AP2A1: variants seen among roughly 807,000 people sequenced by gnomAD.
The protein encoded by AP2A1 is adaptor related protein complex 2 subunit alpha 1.
A neutral mutation model predicts 107.3 loss-of-function variants in AP2A1; 21 were observed. The ratio of observed to expected loss-of-function variants is 0.20; its 90% CI spans 0.14 to 0.28. AP2A1 has a LOEUF of 0.28. Among genes scored for constraint, AP2A1 ranks in the 10% least tolerant of loss-of-function variants. The probability of loss-of-function intolerance (pLI) is 1.00; values close to 1 mark genes in which losing one functional copy is unlikely to be tolerated. For missense variants in AP2A1, 873 were observed against 1,307.7 expected, an observed-to-expected ratio of 0.67 and a Z score of 5.13; for synonymous variants, 602 against 564.8, an observed-to-expected ratio of 1.07 and a Z score of -0.93.
chr19:49,799,725 C>T lies in AP2A1; in HGVS notation c.1231C>T (p.Arg411Trp), dbSNP rs758617042. The T allele has an allele frequency of 3.7e-6, 6 of 1,613,454 alleles. No individual in the cohort carries two copies. The highest frequency in any genetic ancestry group is 2.2e-5 in the East Asian group (1 of 44,876). The change falls in exon 10 of 23, where the codon CGG becomes TGG. Residue 411 changes from arginine to tryptophan, a missense_variant. Around this residue, in one of 4 missense-constraint regions of AP2A1, gnomAD observed 213 missense variants for 443.5 expected, o/e 0.48. Transcript: ENST00000354293. ...NAKQIVSEML[R>W]YLETADYAIR... ...CAAGCAGATCGTGTCGGAGATGCTG[C>T]GGTACCTGGAGACGGCAGACTACGC...
chr19:49,795,592 C>CCCCCCCCCCCCCAAATGGA, intron 6 of AP2A1, 38 bp from the exon 7 acceptor site: 1 of 854,026 alleles, frequency 1.2e-6, no homozygotes, highest in East Asian at 2.8e-5. Flanking sequence ...GCCCCTCCCA[C>CCCCCCCCCCCCCAAATGGA]CCCAGCCCCC....
At chr19:49,772,263 T>C (rs199577055) in intron 1 of AP2A1, among the ~76,000 whole-genome samples, 1 of 108,302 alleles carries the variant, frequency 9.2e-6, no homozygotes, top group African/African-American at 3.2e-5. Flanking sequence ...TTTTTTTTTT[T>C]TTTTTTTTTT....
At chr19:49,777,721 G>A (rs2123678259) in intron 1 of AP2A1, among the ~76,000 whole-genome samples, 1 of 151,646 alleles carries the variant, frequency 6.6e-6, no homozygotes, top group East Asian at 1.9e-4. Context: ...GGGCGGAGGA[G>A]TTGAGACCAC....
intron 1 of AP2A1, among the ~76,000 whole-genome samples, chr19:49,768,667 G>T (rs10404868): frequency 0.26 from 38,804 of 151,954 alleles, 5,021 homozygotes; most frequent in African/African-American, 0.29. Context: ...GTATCAGTTG[G>T]AGGAGAAATG....
At chr19:49,799,263 C>T (rs1459753052) in intron 8 of AP2A1, 64 bp from the exon 9 acceptor site, 26 of 1,551,214 alleles carry the variant, frequency 1.7e-5, no homozygotes, top group African/African-American at 4.1e-5. Context: ...AGCTGGGGCC[C>T]GAGTCCTCCA....
intron 7 of AP2A1, among the ~76,000 whole-genome samples, chr19:49,798,030 C>T (rs116381034): frequency 0.021 from 3,198 of 152,300 alleles, 62 homozygotes; most frequent in South Asian, 0.091. Context: ...CCCATGGTGG[C>T]GACTGGGCTC....
intron 15 of AP2A1, chr19:49,802,355 C>A (rs1194789858): frequency 1.2e-6 from 1 of 862,968 alleles, no homozygotes; most frequent in Non-Finnish European, 1.9e-6. Context: ...CGACCCTGGC[C>A]ACCCTTCGTT....
intron 7 of AP2A1, 122 bp downstream of exon 7, chr19:49,795,860 G>A (rs1386476248): frequency 9.8e-5 from 78 of 798,226 alleles, no homozygotes; most frequent in Non-Finnish European, 1.3e-4. Flanking sequence ...TGAAGCTGGG[G>A]CGGTTCCTCT....
intron 4 of AP2A1, among the ~76,000 whole-genome samples, chr19:49,783,095 G>C (rs2123696288): frequency 6.6e-6 from 1 of 152,352 alleles, no homozygotes; most frequent in Non-Finnish European, 1.5e-5. Context: ...GCACTGTGCT[G>C]ATTGCTGGGG....
At chr19:49,768,127 A>G (rs941748281) in intron 1 of AP2A1, among the ~76,000 whole-genome samples, 20 of 152,058 alleles carry the variant, frequency 1.3e-4, no homozygotes, top group African/African-American at 4.3e-4. Context: ...CTAATCCCAG[A>G]GAGAGGTCAG....
chr19:49,770,728 A>G (rs2084547767), intron 1 of AP2A1, among the ~76,000 whole-genome samples: 1 of 152,218 alleles, frequency 6.6e-6, no homozygotes, highest in Non-Finnish European at 1.5e-5. Flanking sequence ...ACAGGAGGCC[A>G]CGTGTTGTAT....
Position 49,802,283 on chromosome 19 carries a change from C to G in AP2A1, c.2114+142C>G, listed in dbSNP as rs976682575. The G allele has an allele frequency of 1.8e-5, 15 of 854,240 alleles. No individual in the cohort carries two copies. The Admixed American group carries it at 2.2e-4, about 13-fold the overall frequency. The allele number at this position is 854,240 out of a possible 1,614,324, so 52.9% of individuals were successfully genotyped here. ...ATCCTGATGCCTTCGCCAGCCCTGG[C>G]TGCTGCCTCCCCTGCCCCAGCCTCC... On this transcript the variant is annotated intron_variant, in intron 15 of 22. Coordinates refer to ENST00000354293, the MANE Select transcript of AP2A1 (RefSeq NM_130787.3).
At position 49,800,286 on chromosome 19, in the gene AP2A1, T is replaced by A; in HGVS notation, c.1455+136T>A. ...ACTGCCGTGACCTCAAAATGGGGCC[T>A]CTGCCTCTCTGGGCCAACCCAGGGG... is the stretch of plus-strand genomic sequence containing the variant. On this transcript the variant is annotated intron_variant, in intron 11 of 22. Coordinates refer to ENST00000354293, the MANE Select transcript of AP2A1 (RefSeq NM_130787.3). 5 of 1,123,568 alleles carry A rather than the reference T, an allele frequency of 4.5e-6. No individual in the cohort carries two copies. The South Asian group carries it at 8.0e-5, about 18-fold the overall frequency. The allele number at this position is 1,123,568 out of a possible 1,614,324, so 69.6% of individuals were successfully genotyped here.
intron 18 of AP2A1, 77 bp downstream of exon 18, chr19:49,803,453 G>A: frequency 8.5e-7 from 1 of 1,181,260 alleles, no homozygotes. Flanking sequence ...GGCTGACCCA[G>A]GTCCACACTT....
chr19:49,779,779 A>G (rs866162627), intron 1 of AP2A1, among the ~76,000 whole-genome samples: 9 of 152,146 alleles, frequency 5.9e-5, no homozygotes, highest in South Asian at 2.1e-4. Flanking sequence ...AATCCCGTGT[A>G]TGTTTGCTGT....
intron 1 of AP2A1, among the ~76,000 whole-genome samples, chr19:49,773,563 G>A (rs2084586879): frequency 6.6e-6 from 1 of 152,238 alleles, no homozygotes; most frequent in Non-Finnish European, 1.5e-5. Context: ...TGTTCTAGGT[G>A]ATGGGGCTAC....
intron 4 of AP2A1, among the ~76,000 whole-genome samples, chr19:49,786,420 A>T (rs1219627653): frequency 6.6e-6 from 1 of 152,224 alleles, no homozygotes; most frequent in Non-Finnish European, 1.5e-5. Flanking sequence ...GGTGTCTCTC[A>T]GTTTGGACTC....
At position 49,800,942 on chromosome 19, in the gene AP2A1, C is replaced by G; in HGVS notation, c.1456-19C>G. On this transcript the variant is annotated intron_variant, in intron 11 of 22. Coordinates refer to ENST00000354293, the MANE Select transcript of AP2A1 (RefSeq NM_130787.3). ...GCGCTCATTGTTGTCCTCTCCACGC[C>G]CTTCCCCACCCCACTCAGGCGCTCC... 2 of 1,578,168 alleles carry G rather than the reference C, an allele frequency of 1.3e-6. No individual in the cohort carries two copies. The highest frequency in any genetic ancestry group is 1.7e-6 in the Non-Finnish European group (2 of 1,161,278).
At chr19:49,794,275 G>T (rs1369952412) in intron 6 of AP2A1, among the ~76,000 whole-genome samples, 11 of 149,840 alleles carry the variant, frequency 7.3e-5, no homozygotes, top group African/African-American at 2.5e-4. Context: ...GAGTGCAGTA[G>T]TGCAGCCATG....
Sources: gnomAD v4.1 joint callset for allele counts (sites outside exome capture counted in the v4.1 genomes callset) on GRCh38, gnomAD v4.1.1 for gene constraint, gnomAD v4.1.1 regional missense constraint, MANE v1.5 for transcripts, NCBI Gene and HGNC (gene_info 2026-07-23, HGNC 2026-07-21) for gene names.